Variants in RHCE observed in about 807,000 individuals in gnomAD.
RHCE encodes the protein blood group Rh(CE) polypeptide.
Under a neutral mutation model 43.8 loss-of-function variants are expected in RHCE, and 22 were observed. The ratio of observed to expected loss-of-function variants is 0.50; its 90% confidence interval spans 0.36 to 0.72. The LOEUF (loss-of-function observed/expected upper bound fraction) is 0.72, where lower values mean the gene tolerates loss of function less well. Ranked by LOEUF, RHCE falls within the 30% of genes least tolerant of loss-of-function variation. The pLI is 0.00. For missense variants in RHCE, 385 were observed against 525.4 expected, an observed-to-expected ratio of 0.73 and a Z score of 2.61; for synonymous variants, 156 against 210.7, an observed-to-expected ratio of 0.74 and a Z score of 2.25.
chr1:25,429,028 T>C (rs1231437650), exon 2 of RHCE: 1 of 152,212 alleles, frequency 6.6e-6, no homozygotes, highest in Non-Finnish European at 1.5e-5. Flanking sequence ...GAATGGGTTT[T>C]CTCTTCCAGG....
At chr1:25,375,954 A>G (rs1645773782) in intron 7 of RHCE, among the ~76,000 whole-genome samples, 2 of 151,230 alleles carry the variant, frequency 1.3e-5, no homozygotes, top group South Asian at 2.1e-4. Context: ...CCATACCTGG[A>G]TAATTTTTGT....
chr1:25,426,926 G>A (rs1320718630), intron 2 of RHCE, among the ~76,000 whole-genome samples: 5 of 152,072 alleles, frequency 3.3e-5, no homozygotes, highest in African/African-American at 4.8e-5. Flanking sequence ...GCGTGGTGGC[G>A]TGTGCCTATA....
At position 25,390,913 on chromosome 1, in the gene RHCE, C is replaced by T. The variant is rs752112841; in HGVS notation, c.637G>A (p.Ala213Thr). The T allele has an allele frequency of 3.1e-6, 5 of 1,614,166 alleles. No homozygotes were observed. Among genetic ancestry groups the T allele is most frequent in the Admixed American group, 3.3e-5 (2 of 60,028 alleles). ...TIPSLSAMLG[A>T]LFLWMFWPSV... is the part of the protein sequence containing the mutation. Reference sequence around the variant, plus strand: ...GGCCAGAACATCCACAAGAAGAGGGCGCCTGGGGGCCAGAGAGGGTGGTTG... The same window carrying T: ...GGCCAGAACATCCACAAGAAGAGGGTGCCTGGGGGCCAGAGAGGGTGGTTG... The change falls in exon 5 of 10, where the codon GCC becomes ACC. Residue 213 changes from alanine (A) to threonine (T), a missense_variant and splice_region_variant. Around this residue, in one of 6 missense-constraint regions of RHCE, gnomAD observed 110 missense variants for 103.4 expected, o/e 1.06. Coordinates refer to ENST00000294413, the MANE Select transcript of RHCE (RefSeq NM_020485.8).
intron 5 of RHCE, among the ~76,000 whole-genome samples, chr1:25,389,403 CA>C (rs1339084489): frequency 1.3e-5 from 2 of 152,106 alleles, no homozygotes; most frequent in African/African-American, 4.8e-5. Flanking sequence ...CCATCACACT[CA>C]TTAGTGGTGT....
At chr1:25,420,308 CCTTG>C (rs1283718631) in intron 1 of RHCE, among the ~76,000 whole-genome samples, 2 of 152,110 alleles carry the variant, frequency 1.3e-5, no homozygotes, top group Non-Finnish European at 2.9e-5. Context: ...TAAAAAAAAT[CCTTG>C]CCACTAAGGA....
chr1:25,426,747 A>T (rs1255263005), intron 2 of RHCE, among the ~76,000 whole-genome samples: 1 of 152,200 alleles, frequency 6.6e-6, no homozygotes, highest in East Asian at 1.9e-4. Context: ...TAAACACTAC[A>T]GTGAACATCT....
At chr1:25,401,662 G>T (rs1646747053) in intron 3 of RHCE, among the ~76,000 whole-genome samples, 1 of 152,212 alleles carries the variant, frequency 6.6e-6, no homozygotes, top group South Asian at 2.1e-4. Flanking sequence ...GAAAGAAGAT[G>T]CTGGCTGTAC....
In RHCE at chr1:25,391,977, C is replaced by T; in HGVS notation, c.634+17G>A. ...CTCAGCCCAAGTATGAGACCACTCA[C>T]CCCACCTTGTCCTTACCCAGCATGG... On this transcript the variant is annotated intron_variant, in intron 4 of 9. Coordinates refer to ENST00000294413, the MANE Select transcript of RHCE (RefSeq NM_020485.8). The T allele has an allele frequency of 6.2e-7, 1 of 1,613,334 alleles. No homozygotes were observed. The highest frequency in any genetic ancestry group is 8.5e-7 in the Non-Finnish European group (1 of 1,179,954).
chr1:25,415,574 C>A (rs1647339824), intron 1 of RHCE, among the ~76,000 whole-genome samples: 2 of 152,198 alleles, frequency 1.3e-5, no homozygotes, highest in Admixed American at 1.3e-4. Context: ...ATTACTTGAA[C>A]CTGGGAGGCG....
At chr1:25,386,556 C>T (rs1351143309) in intron 6 of RHCE, among the ~76,000 whole-genome samples, 1 of 152,216 alleles carries the variant, frequency 6.6e-6, no homozygotes, top group Non-Finnish European at 1.5e-5. Context: ...CACGGTGGCT[C>T]ATGCCTGTAA....
rs1341783363 is a variant in RHCE, at chr1:25,362,412, A to T, written c.*115T>A. The T allele has an allele frequency of 4.3e-6, 7 of 1,612,656 alleles. No homozygotes were observed. ...TCAAATCTGTCTCTGACCTTGTTTC[A>T]TTATACATAAGGAGACTTTGCTGTC... is the stretch of plus-strand genomic sequence containing the variant. On this transcript the variant is annotated 3_prime_UTR_variant, in exon 10 of 10. Coordinates refer to ENST00000294413, the MANE Select transcript of RHCE (RefSeq NM_020485.8).
At chr1:25,368,244 T>TC (rs1469745856) in intron 9 of RHCE, among the ~76,000 whole-genome samples, 2 of 131,892 alleles carry the variant, frequency 1.5e-5, no homozygotes, top group Non-Finnish European at 3.2e-5. Context: ...CCGGAGGGAT[T>TC]CCATTCGGCT....
At chr1:25,387,671 T>C (rs907411661) in intron 6 of RHCE, among the ~76,000 whole-genome samples, 6 of 152,182 alleles carry the variant, frequency 3.9e-5, no homozygotes, top group Admixed American at 2.6e-4. Context: ...GAAAATCAGA[T>C]TTGCCCTGGT....
intron 1 of RHCE, among the ~76,000 whole-genome samples, chr1:25,414,194 G>A (rs1050946470): frequency 6.6e-6 from 1 of 151,816 alleles, no homozygotes; most frequent in African/African-American, 2.4e-5. Context: ...CACTTGCAAA[G>A]AGTTCGTTTG....
chr1:25,362,300 T>C lies in RHCE; in HGVS notation c.*227A>G. ...GTGTCTGTAACCAAGAAAATATTGA[T>C]AGCATCATCCTAATGAAACTAAACA... On this transcript the variant is annotated 3_prime_UTR_variant, in exon 10 of 10. Coordinates refer to ENST00000294413, the MANE Select transcript of RHCE (RefSeq NM_020485.8). 1 of 954,646 alleles carries C rather than the reference T, an allele frequency of 1.0e-6. No individual in the cohort carries two copies. The allele number at this position is 954,646 out of a possible 1,614,324, so 59.1% of individuals were successfully genotyped here.
upstream of RHCE, chr1:25,420,937 G>C (rs1443074915): frequency 2.0e-6 from 3 of 1,495,560 alleles, no homozygotes; most frequent in Admixed American, 6.0e-5. Flanking sequence ...CCTGTCTATG[G>C]AGTTAACACG....
intron 1 of RHCE, among the ~76,000 whole-genome samples, chr1:25,418,353 G>GTTC (rs2042659590): frequency 6.6e-6 from 1 of 151,188 alleles, no homozygotes; most frequent in African/African-American, 2.4e-5. Flanking sequence ...GTTTTTTGTT[G>GTTC]TTGTTGTTGT....
At chr1:25,374,085 T>G (rs1645706228) in intron 8 of RHCE, among the ~76,000 whole-genome samples, 1 of 150,558 alleles carries the variant, frequency 6.6e-6, no homozygotes, top group Non-Finnish European at 1.5e-5. Flanking sequence ...CCTCCCAAAG[T>G]GCTGGGATTA....
intron 3 of RHCE, among the ~76,000 whole-genome samples, chr1:25,400,483 T>TC (rs1646705339): frequency 6.6e-6 from 1 of 150,580 alleles, no homozygotes; most frequent in South Asian, 2.1e-4. Flanking sequence ...CTTACACATG[T>TC]CCCCCCTCTA....
Sources: allele counts gnomAD v4.1 joint callset (sites outside exome capture counted in the v4.1 genomes callset), GRCh38; gene constraint gnomAD v4.1.1; regional missense constraint gnomAD v4.1.1; transcripts MANE v1.5; gene names NCBI Gene and HGNC (gene_info 2026-07-23, HGNC 2026-07-21).